The following CAMK2D variants were observed in gnomAD, a reference collection of about 807,000 sequenced individuals.
The protein encoded by CAMK2D is calcium/calmodulin dependent protein kinase II delta, also known as calcium/calmodulin-dependent protein kinase type II subunit delta.
A neutral mutation model predicts 84.0 loss-of-function variants in CAMK2D; 37 were observed. The observed-to-expected ratio is 0.44, with a 90% CI of 0.34 to 0.58. The LOEUF (loss-of-function observed/expected upper bound fraction) is 0.58. Among genes scored for constraint, CAMK2D ranks in the 20% least tolerant of loss-of-function variants. CAMK2D has a pLI of 0.02. For missense variants in CAMK2D, 448 were observed against 652.5 expected (o/e 0.69, Z 3.41); for synonymous variants, 202 against 212.5 (o/e 0.95, Z 0.43).
intron 2 of CAMK2D, among the ~76,000 whole-genome samples, chr4:113,713,952 T>A (rs1430606693): frequency 6.6e-6 from 1 of 151,950 alleles, no homozygotes; most frequent in Non-Finnish European, 1.5e-5. Flanking sequence ...AATTTTTTAC[T>A]GATGGCATCT....
chr4:113,547,728 C>A lies in CAMK2D; in HGVS notation c.342-12G>T. 6.5e-7 allele frequency: 1 copy of A among 1,530,166 alleles called. No individual in the cohort carries two copies. Among genetic ancestry groups the A allele is most frequent in the South Asian group, 1.2e-5 (1 of 83,526 alleles). The allele number at this position is 1,530,166 out of a possible 1,614,324, so 94.8% of individuals were successfully genotyped here. On this transcript the variant is annotated splice_polypyrimidine_tract_variant and intron_variant, in intron 5 of 20. Transcript: ENST00000511664. The stretch of plus-strand genomic sequence containing the variant: ...GCTGAATGCAATGACTGCATGCAAA[C>A]ACCAGGGGGCGTGTGTTAGTTCCAA...
At chr4:113,742,576 T>C (rs1429707327) in intron 2 of CAMK2D, among the ~76,000 whole-genome samples, 6 of 151,998 alleles carry the variant, frequency 3.9e-5, no homozygotes, top group Non-Finnish European at 8.8e-5. Flanking sequence ...GTTCATTTTT[T>C]TTTTTTCCTC....
chr4:113,679,539 G>T (rs2099332683), intron 2 of CAMK2D: 1 of 651,086 alleles, frequency 1.5e-6, no homozygotes, highest in African/African-American at 2.0e-5. Flanking sequence ...GAAACCCACA[G>T]AAATAGTAAG....
At chr4:113,482,445 C>T (rs1356669727) in intron 16 of CAMK2D, among the ~76,000 whole-genome samples, 1 of 152,086 alleles carries the variant, frequency 6.6e-6, no homozygotes, top group African/African-American at 2.4e-5. Context: ...ATAGTCATAT[C>T]AATTCAGTTT....
chr4:113,678,198 G>A (rs552225815), intron 2 of CAMK2D, among the ~76,000 whole-genome samples: 14 of 152,224 alleles, frequency 9.2e-5, no homozygotes, highest in African/African-American at 3.4e-4. Flanking sequence ...CTGCTATTAG[G>A]AGACAGGCTA....
intron 4 of CAMK2D, among the ~76,000 whole-genome samples, chr4:113,603,743 T>C (rs1476835036): frequency 6.9e-6 from 1 of 144,700 alleles, no homozygotes; most frequent in East Asian, 2.3e-4. Context: ...TATTTCTTTA[T>C]ATATATCTTT....
chr4:113,720,828 T>C (rs2099528556), intron 2 of CAMK2D, among the ~76,000 whole-genome samples: 1 of 152,094 alleles, frequency 6.6e-6, no homozygotes, highest in Non-Finnish European at 1.5e-5. Flanking sequence ...ATGATCACAT[T>C]TAGCATATTC....
chr4:113,596,920 C>T (rs1308072035), intron 4 of CAMK2D, among the ~76,000 whole-genome samples: 5 of 151,606 alleles, frequency 3.3e-5, no homozygotes, highest in South Asian at 2.1e-4. Context: ...CCCGGGTTCA[C>T]GCCATTCTCC....
chr4:113,641,479 T>C (rs2099132043), intron 3 of CAMK2D, among the ~76,000 whole-genome samples: 1 of 152,200 alleles, frequency 6.6e-6, no homozygotes, highest in Admixed American at 6.5e-5. Context: ...ATACAATATG[T>C]TTCAGATTGA....
intron 2 of CAMK2D, among the ~76,000 whole-genome samples, chr4:113,738,051 C>G (rs1010307152): frequency 1.3e-5 from 2 of 152,086 alleles, no homozygotes; most frequent in Non-Finnish European, 2.9e-5. Flanking sequence ...TCAAAATAGG[C>G]TTTTTCAAAT....
chr4:113,665,117 A>C (rs2099252431), intron 2 of CAMK2D, among the ~76,000 whole-genome samples: 1 of 152,166 alleles, frequency 6.6e-6, no homozygotes, highest in South Asian at 2.1e-4. Flanking sequence ...AGTAGACTTT[A>C]TAACAATAGT....
intron 3 of CAMK2D, among the ~76,000 whole-genome samples, chr4:113,647,504 T>G (rs2099156709): frequency 6.6e-6 from 1 of 152,246 alleles, no homozygotes; most frequent in Non-Finnish European, 1.5e-5. Context: ...TTCCTCAATA[T>G]TAGTACTATG....
intron 3 of CAMK2D, among the ~76,000 whole-genome samples, chr4:113,644,772 C>T (rs1196162760): frequency 1.3e-5 from 2 of 152,176 alleles, no homozygotes; most frequent in Non-Finnish European, 2.9e-5. Context: ...ATTTTAGCTT[C>T]TCCCTTCTAG....
intron 16 of CAMK2D, among the ~76,000 whole-genome samples, chr4:113,469,044 C>A (rs17046078): frequency 0.029 from 4,373 of 152,238 alleles, 214 homozygotes; most frequent in African/African-American, 0.097. Context: ...ACTTTCCATG[C>A]AATTATGCAC....
Position 113,695,906 on chromosome 4 carries a change from G to A in CAMK2D, c.161-34134C>T, listed in dbSNP as rs74822527. Among the ~76,000 whole-genome samples the A allele has an allele frequency of 7.5e-3, 1,138 of 152,096 alleles. 15 individuals are homozygous for A. Among genetic ancestry groups the A allele is most frequent in the African/African-American group, 0.026 (1,062 of 41,510 alleles). ...CTATGATCTGCAATGCTATGTATGA[G>A]CTGTGCCCCTGCCCCTTACCTTATC... On this transcript the variant is annotated intron_variant, in intron 2 of 20. Transcript: ENST00000511664.
intron 3 of CAMK2D, among the ~76,000 whole-genome samples, chr4:113,627,370 T>C (rs762008717): frequency 6.6e-6 from 1 of 152,146 alleles, no homozygotes; most frequent in Non-Finnish European, 1.5e-5. Context: ...ATCATGAACA[T>C]TGAATGAGCA....
At chr4:113,489,444 T>G (rs1210997004) in intron 16 of CAMK2D, among the ~76,000 whole-genome samples, 11 of 151,900 alleles carry the variant, frequency 7.2e-5, no homozygotes, top group Admixed American at 7.2e-4. Context: ...TCCAATTTCA[T>G]CCATGTCCCT....
chr4:113,738,019 T>C (rs1256271524), intron 2 of CAMK2D, among the ~76,000 whole-genome samples: 1 of 152,108 alleles, frequency 6.6e-6, no homozygotes, highest in Non-Finnish European at 1.5e-5. Flanking sequence ...CCTTTCAGGT[T>C]CCCTCATTAT....
At chr4:113,603,153 G>GA (rs113205182) in intron 4 of CAMK2D, among the ~76,000 whole-genome samples, 18 of 151,878 alleles carry the variant, frequency 1.2e-4, no homozygotes, top group Admixed American at 3.9e-4. Flanking sequence ...AGGATTATTT[G>GA]AAAAAAATCA....
Sources: gnomAD v4.1 joint callset for allele counts (sites outside exome capture counted in the v4.1 genomes callset) on GRCh38, gnomAD v4.1.1 for gene constraint, MANE v1.5 for transcripts, NCBI Gene and HGNC (gene_info 2026-07-23, HGNC 2026-07-21) for gene names.